Variants in TMA16 observed in about 807,000 individuals in gnomAD.
TMA16 encodes translation machinery-associated protein 16.
TMA16 carries 26 observed loss-of-function variants against 27.1 expected under a neutral mutation model. The observed-to-expected ratio is 0.96, with a 90% CI of 0.70 to 1.33. The LOEUF is 1.33. TMA16 is among the 40% of genes most tolerant of loss of function. TMA16 has a pLI of 0.00. For missense variants in TMA16, 233 were observed against 241.4 expected (o/e 0.97, Z 0.23); for synonymous variants, 71 against 81.9 (o/e 0.87, Z 0.72).
At chr4:163,509,679 T>C (rs1030816036) in intron 2 of TMA16, among the ~76,000 whole-genome samples, 1 of 152,200 alleles carries the variant, frequency 6.6e-6, no homozygotes, top group Admixed American at 6.5e-5. Context: ...TCAAGCATAT[T>C]CTTTATCTTC....
chr4:163,510,560 G>T (rs540780908), intron 2 of TMA16, among the ~76,000 whole-genome samples: 1 of 152,260 alleles, frequency 6.6e-6, no homozygotes, highest in African/African-American at 2.4e-5. Flanking sequence ...TTATGTATTA[G>T]TTGTTCTTTC....
intron 1 of TMA16, among the ~76,000 whole-genome samples, chr4:163,500,006 C>CT (rs1393527692): frequency 6.6e-6 from 1 of 151,972 alleles, no homozygotes; most frequent in East Asian, 1.9e-4. Flanking sequence ...AAGGAATTTT[C>CT]TTTTTTGTGC....
chr4:163,507,198 C>CT, intron 2 of TMA16, 53 bp downstream of exon 2: 1 of 1,436,758 alleles, frequency 7.0e-7, no homozygotes, highest in Non-Finnish European at 9.5e-7. Flanking sequence ...CCCCTTTATA[C>CT]TTTTATCTTT....
intron 1 of TMA16, 80 bp downstream of exon 1, chr4:163,494,884 C>A (rs1177946369): frequency 2.5e-6 from 4 of 1,588,644 alleles, no homozygotes; most frequent in South Asian, 1.1e-5. Context: ...AGGGAGGGTG[C>A]GGTTTCGGGA....
At chr4:163,502,351 T>C (rs774643961) in intron 1 of TMA16, among the ~76,000 whole-genome samples, 2 of 152,184 alleles carry the variant, frequency 1.3e-5, no homozygotes, top group Non-Finnish European at 2.9e-5. Flanking sequence ...TAGTAGCCCA[T>C]TGTACAGTAC....
In TMA16 at chr4:163,514,158, G is replaced by T; in HGVS notation, c.239G>T (p.Arg80Met). The T allele has an allele frequency of 1.2e-6, 2 of 1,601,738 alleles. No individual in the cohort carries two copies. Among genetic ancestry groups the T allele is most frequent in the Non-Finnish European group, 1.7e-6 (2 of 1,174,040 alleles). The part of the protein sequence containing the change: ...SKKDACELIE[R>M]YLNRFSSELE... ...AAAGATGCTTGTGAACTAATTGAAA[G>T]GTAAACACTGGGCATATTATGAGCA... Residue 80 changes from arginine (R) to methionine (M), a missense_variant and splice_region_variant, in exon 4 of 7, where the codon AGG (arginine) becomes ATG (methionine). By Grantham distance (91) the Arg-to-Met change is moderately conservative. Coordinates refer to ENST00000358572, the MANE Select transcript of TMA16 (RefSeq NM_018352.3).
chr4:163,505,418 G>A (rs1432693201), intron 1 of TMA16, among the ~76,000 whole-genome samples: 3 of 152,284 alleles, frequency 2.0e-5, no homozygotes, highest in Middle Eastern at 3.4e-3. Context: ...CGAGCAGAGC[G>A]CTCAATGAGT....
Position 163,494,714 on chromosome 4 carries a change from G to C in TMA16, c.-88G>C. On this transcript the variant is annotated 5_prime_UTR_variant, in exon 1 of 7. Coordinates refer to ENST00000358572, the MANE Select transcript of TMA16 (RefSeq NM_018352.3). ...CAGGCGCCACGTGGGATTCGGCCCG[G>C]GTGCTCTTGTGAGCTGCTGCTCCTG... is the stretch of plus-strand genomic sequence containing the variant. The C allele has an allele frequency of 6.3e-7, 1 of 1,589,652 alleles. No homozygotes were observed. The highest frequency in any genetic ancestry group is 2.2e-5 in the East Asian group (1 of 44,720).
At chr4:163,512,131 C>T (rs1737808903) in intron 2 of TMA16, among the ~76,000 whole-genome samples, 1 of 151,672 alleles carries the variant, frequency 6.6e-6, no homozygotes, top group African/African-American at 2.4e-5. Context: ...TTTAAATATG[C>T]TTTTATAGCT....
At chr4:163,502,732 A>G (rs1056138822) in intron 1 of TMA16, among the ~76,000 whole-genome samples, 2 of 152,110 alleles carry the variant, frequency 1.3e-5, no homozygotes, top group African/African-American at 4.8e-5. Flanking sequence ...TCATTGCATC[A>G]TATTTATGTG....
At chr4:163,496,976 G>A (rs1737562739) in intron 1 of TMA16, among the ~76,000 whole-genome samples, 1 of 152,154 alleles carries the variant, frequency 6.6e-6, no homozygotes, top group Non-Finnish European at 1.5e-5. Context: ...TTTAAGTATG[G>A]CTCATACAAT....
At chr4:163,508,266 A>G (rs1176446616) in intron 2 of TMA16, among the ~76,000 whole-genome samples, 2 of 152,070 alleles carry the variant, frequency 1.3e-5, no homozygotes, top group Non-Finnish European at 2.9e-5. Context: ...AACTTATTAA[A>G]ACTGTTTGTT....
At chr4:163,516,740 C>CA (rs1233890289) in intron 5 of TMA16, among the ~76,000 whole-genome samples, 1 of 151,704 alleles carries the variant, frequency 6.6e-6, no homozygotes, top group Non-Finnish European at 1.5e-5. Flanking sequence ...CTTCTTTAAG[C>CA]AAAATTTTTT....
At chr4:163,497,635 C>T (rs1351459324) in intron 1 of TMA16, among the ~76,000 whole-genome samples, 1 of 152,186 alleles carries the variant, frequency 6.6e-6, no homozygotes, top group Non-Finnish European at 1.5e-5. Context: ...TAAATTTTCC[C>T]CCAGAGAAGG....
At chr4:163,497,178 T>C (rs1737565843) in intron 1 of TMA16, among the ~76,000 whole-genome samples, 1 of 152,188 alleles carries the variant, frequency 6.6e-6, no homozygotes, top group African/African-American at 2.4e-5. Context: ...TTGTGTGTTT[T>C]GGGGACTACA....
intron 2 of TMA16, among the ~76,000 whole-genome samples, chr4:163,508,144 A>T (rs1737743527): frequency 6.6e-6 from 1 of 152,040 alleles, no homozygotes; most frequent in Non-Finnish European, 1.5e-5. Context: ...CATCACTTTT[A>T]TGATTTTTGC....
intron 4 of TMA16, among the ~76,000 whole-genome samples, chr4:163,514,857 G>A (rs2110810856): frequency 6.6e-6 from 1 of 152,226 alleles, no homozygotes; most frequent in African/African-American, 2.4e-5. Context: ...AAATTAAGAA[G>A]GTAGAAGTCT....
chr4:163,500,351 T>C (rs1257120657), intron 1 of TMA16, among the ~76,000 whole-genome samples: 1 of 151,742 alleles, frequency 6.6e-6, no homozygotes, highest in Non-Finnish European at 1.5e-5. Context: ...GCTGGGATTA[T>C]AAGCGTGCAC....
chr4:163,503,607 T>C (rs1485709619), intron 1 of TMA16, among the ~76,000 whole-genome samples: 1 of 152,224 alleles, frequency 6.6e-6, no homozygotes, highest in African/African-American at 2.4e-5. Flanking sequence ...CCAAAGAGAA[T>C]AGACTTTCAG....
Sources: allele counts gnomAD v4.1 joint callset (sites outside exome capture counted in the v4.1 genomes callset), GRCh38; gene constraint gnomAD v4.1.1; transcripts MANE v1.5; gene names NCBI Gene and HGNC (gene_info 2026-07-23, HGNC 2026-07-21).